The following ESYT2 variants were observed in gnomAD, a reference collection of about 807,000 sequenced individuals.
ESYT2 encodes extended synaptotagmin-2.
ESYT2 carries 54 observed loss-of-function variants against 107.2 expected under a neutral mutation model. The observed-to-expected ratio is 0.50, with a 90% CI of 0.40 to 0.63. ESYT2 has a LOEUF of 0.63. ESYT2 is among the 30% of genes least tolerant of loss of function. The pLI is 0.00. For synonymous variants in ESYT2, 491 were observed against 434.1 expected (o/e 1.13, Z -1.63); for missense variants, 1,020 against 1,094.5 (o/e 0.93, Z 0.96).
chr7:158,734,136 G>A lies in ESYT2; in HGVS notation c.*71C>T, dbSNP rs889759191. 1.3e-5 allele frequency: 20 copies of A among 1,496,916 alleles called. No individual in the cohort carries two copies. Among genetic ancestry groups the A allele is most frequent in the South Asian group, 4.6e-5 (4 of 87,852 alleles). 92.7% of individuals were successfully genotyped at this position (1,496,916 alleles called of 1,614,324 possible). A position where few individuals can be genotyped will look rare whatever the true frequency, so the allele number is the denominator to read the frequency against. On this transcript the variant is annotated 3_prime_UTR_variant, in exon 23 of 23. Coordinates refer to ENST00000275418, the MANE Select transcript of ESYT2 (RefSeq NM_001367773.1). Reference sequence around the variant, plus strand: ...GAAATTATAAAAATAACATTGGTACGTCTGTGAGAGGGTGTGTTCCGGGTA... The same window carrying A: ...GAAATTATAAAAATAACATTGGTACATCTGTGAGAGGGTGTGTTCCGGGTA...
chr7:158,824,770 T>C (rs1316124304), intron 1 of ESYT2, among the ~76,000 whole-genome samples: 1 of 152,168 alleles, frequency 6.6e-6, no homozygotes, highest in Non-Finnish European at 1.5e-5. Context: ...GAGTCAGACT[T>C]TATCCTATGA....
intron 1 of ESYT2, among the ~76,000 whole-genome samples, chr7:158,800,734 CT>C (rs1235340586): frequency 7.5e-4 from 88 of 117,244 alleles, no homozygotes; most frequent in Middle Eastern, 4.5e-3. Context: ...CTTTTCTTTT[CT>C]TTTTTTTTTT....
chr7:158,757,757 T>G (rs1837814298), intron 13 of ESYT2, among the ~76,000 whole-genome samples: 1 of 76,668 alleles, frequency 1.3e-5, no homozygotes, highest in Admixed American at 1.5e-4. Flanking sequence ...TCTCTGGGTT[T>G]TTTTTTTTTT....
At chr7:158,744,028 C>T (rs567677363) in intron 16 of ESYT2, 12 of 197,126 alleles carry the variant, frequency 6.1e-5, no homozygotes, top group Admixed American at 1.9e-4. Flanking sequence ...GAGCTGATAT[C>T]GCGCCACTGC....
At chr7:158,746,229 G>GACACACACACACACACAC in intron 16 of ESYT2, among the ~76,000 whole-genome samples, 1 of 148,014 alleles carries the variant, frequency 6.8e-6, no homozygotes, top group East Asian at 2.0e-4. Flanking sequence ...TACATAAATA[G>GACACACACACACACACAC]ACACACACAC....
intron 1 of ESYT2, among the ~76,000 whole-genome samples, chr7:158,801,832 C>CGCT (rs10695428): frequency 0.93 from 141,031 of 152,098 alleles, 65,484 homozygotes; most frequent in East Asian, 0.95. Context: ...GATTCTAATA[C>CGCT]GCTGCTATTA....
At chr7:158,808,924 C>T (rs928516670) in intron 1 of ESYT2, among the ~76,000 whole-genome samples, 10 of 151,950 alleles carry the variant, frequency 6.6e-5, no homozygotes, top group Non-Finnish European at 1.3e-4. Flanking sequence ...TGCAGTGAGC[C>T]GAGACTGCGC....
rs1336159707 is a variant in ESYT2, at chr7:158,792,716, A to G, written c.584+934T>C. 2.0e-5 allele frequency among the ~76,000 whole-genome samples: 3 copies of G among 148,824 alleles called. No homozygotes were observed. In the East Asian group the frequency reaches 6.0e-4, roughly 30 times the overall value. ...AGAGGGCATTCTTGCAGTGTTCCTG[A>G]TTTTAAAGAAAAAGCTTTCAGTTTT... is the stretch of plus-strand genomic sequence containing the variant. On this transcript the variant is annotated intron_variant, in intron 4 of 22. Coordinates refer to ENST00000275418, the MANE Select transcript of ESYT2 (RefSeq NM_001367773.1).
At chr7:158,827,395 C>A (rs1057111995) in intron 1 of ESYT2, 4 of 152,106 alleles carry the variant, frequency 2.6e-5, no homozygotes, top group African/African-American at 9.7e-5. Context: ...AATATAGACA[C>A]AAAACGTCAC....
intron 5 of ESYT2, 103 bp downstream of exon 5, chr7:158,788,242 C>T: frequency 7.9e-7 from 1 of 1,270,786 alleles, no homozygotes; most frequent in South Asian, 1.4e-5. Context: ...AACTGAACGT[C>T]AAAAAAATTC....
chr7:158,737,052 G>C lies in ESYT2; in HGVS notation c.2395C>G (p.Gln799Glu). ...CAGCTGGATAAAATACCGTACCTTT[G>C]ATCAAACACTGGATTTAATGTTTTC... ...SKKTLNPVFD[Q>E]SFDFSVSLPE... The change falls in exon 20 of 23, where the codon CAA becomes GAA. Residue 799 changes from glutamine to glutamate, a missense_variant. Gln to Glu is a conservative substitution (Grantham distance 29, BLOSUM62 2). Transcript: ENST00000275418. The C allele has an allele frequency of 6.2e-7, 1 of 1,613,090 alleles. No individual in the cohort carries two copies. The highest frequency in any genetic ancestry group is 1.1e-5 in the South Asian group (1 of 90,984).
At chr7:158,810,725 A>G (rs763221789) in intron 1 of ESYT2, among the ~76,000 whole-genome samples, 6 of 152,020 alleles carry the variant, frequency 3.9e-5, no homozygotes, top group Non-Finnish European at 7.3e-5. Flanking sequence ...ACATGTTATA[A>G]TATTTCATTT....
intron 6 of ESYT2, among the ~76,000 whole-genome samples, chr7:158,774,347 G>T (rs1838476303): frequency 6.6e-6 from 1 of 152,148 alleles, no homozygotes; most frequent in Non-Finnish European, 1.5e-5. Context: ...ATTTCTCAAT[G>T]TAACAGAAAT....
At chr7:158,809,960 T>A (rs1839948811) in intron 1 of ESYT2, among the ~76,000 whole-genome samples, 1 of 152,194 alleles carries the variant, frequency 6.6e-6, no homozygotes, top group African/African-American at 2.4e-5. Context: ...GACTGCCCAA[T>A]TTGTGAATCA....
intron 15 of ESYT2, 116 bp from the exon 16 acceptor site, chr7:158,748,396 C>G (rs1464094931): frequency 8.5e-6 from 7 of 824,008 alleles, no homozygotes; most frequent in Non-Finnish European, 1.3e-5. Flanking sequence ...AAACAAAAAA[C>G]TAGAAGCTTA....
chr7:158,768,727 C>T (rs952028687), intron 7 of ESYT2, among the ~76,000 whole-genome samples: 1 of 152,208 alleles, frequency 6.6e-6, no homozygotes. Context: ...CAAAGATGTA[C>T]TTTTAATATA....
intron 4 of ESYT2, among the ~76,000 whole-genome samples, chr7:158,791,263 G>A (rs775027636): frequency 4.5e-4 from 69 of 152,182 alleles, no homozygotes; most frequent in Non-Finnish European, 3.7e-4. Context: ...GCATGTGGCG[G>A]CCTGGAGCAG....
At chr7:158,800,545 G>A (rs901007409) in intron 1 of ESYT2, among the ~76,000 whole-genome samples, 1 of 151,988 alleles carries the variant, frequency 6.6e-6, no homozygotes, top group Admixed American at 6.6e-5. Context: ...ACAGGCATGT[G>A]CCAACTGGCT....
intron 1 of ESYT2, among the ~76,000 whole-genome samples, chr7:158,808,927 G>C (rs1839910550): frequency 6.6e-6 from 1 of 152,064 alleles, no homozygotes; most frequent in South Asian, 2.1e-4. Context: ...AGTGAGCCGA[G>C]ACTGCGCCAT....
Sources: gnomAD v4.1 joint callset for allele counts (sites outside exome capture counted in the v4.1 genomes callset) on GRCh38, gnomAD v4.1.1 for gene constraint, MANE v1.5 for transcripts, NCBI Gene and HGNC (gene_info 2026-07-23, HGNC 2026-07-21) for gene names.